The following SDCCAG8 variants were observed in gnomAD, a reference collection of about 807,000 sequenced individuals.
The protein encoded by SDCCAG8 is SHH signaling and ciliogenesis regulator SDCCAG8.
SDCCAG8 carries 74 observed loss-of-function variants against 101.8 expected under a neutral mutation model. The observed-to-expected ratio is 0.73, with a 90% CI of 0.60 to 0.88. The LOEUF (loss-of-function observed/expected upper bound fraction) is 0.88. Ranked by LOEUF, SDCCAG8 falls within the 40% of genes least tolerant of loss-of-function variation. The probability of loss-of-function intolerance (pLI) is 0.00; values close to 1 mark genes in which losing one functional copy is unlikely to be tolerated. For synonymous variants in SDCCAG8, 281 were observed against 292.9 expected (o/e 0.96, Z 0.41); for missense variants, 787 against 822.6 (o/e 0.96, Z 0.53).
At chr1:243,443,394 G>A (rs1054797604) in intron 16 of SDCCAG8, among the ~76,000 whole-genome samples, 1 of 152,180 alleles carries the variant, frequency 6.6e-6, no homozygotes, top group Non-Finnish European at 1.5e-5. Context: ...TTGTTGCTCT[G>A]CCAGAGGTTG....
intron 16 of SDCCAG8, among the ~76,000 whole-genome samples, chr1:243,487,003 G>C (rs1665053803): frequency 6.6e-6 from 1 of 152,196 alleles, no homozygotes; most frequent in Non-Finnish European, 1.5e-5. Context: ...GCCACCTTAG[G>C]GTTCCAGAGC....
chr1:243,307,548 TA>T (rs1411944738), intron 7 of SDCCAG8: 82 of 983,398 alleles, frequency 8.3e-5, no homozygotes, highest in Admixed American at 2.5e-4. Context: ...CTAAAAATTT[TA>T]AGAGATTAAT....
At chr1:243,407,106 A>G (rs996656603) in intron 13 of SDCCAG8, among the ~76,000 whole-genome samples, 2 of 152,150 alleles carry the variant, frequency 1.3e-5, no homozygotes, top group Non-Finnish European at 2.9e-5. Flanking sequence ...CAGGGTCTAC[A>G]TCTTGCACAC....
At chr1:243,424,582 A>G (rs1468135381) in intron 15 of SDCCAG8, among the ~76,000 whole-genome samples, 1 of 152,012 alleles carries the variant, frequency 6.6e-6, no homozygotes, top group Non-Finnish European at 1.5e-5. Context: ...CTAATATGTC[A>G]CAGTTTTAGA....
chr1:243,312,751 G>C (rs79257440), intron 8 of SDCCAG8, among the ~76,000 whole-genome samples: 2 of 151,742 alleles, frequency 1.3e-5, no homozygotes, highest in African/African-American at 4.8e-5. Context: ...TTGACAAGGA[G>C]GGGATCAGGC....
intron 16 of SDCCAG8, among the ~76,000 whole-genome samples, chr1:243,440,853 G>C (rs532904811): frequency 6.6e-6 from 1 of 152,160 alleles, no homozygotes; most frequent in Non-Finnish European, 1.5e-5. Flanking sequence ...TGTTTTGGCC[G>C]TGTGTAGCAT....
intron 16 of SDCCAG8, among the ~76,000 whole-genome samples, chr1:243,435,095 C>T (rs536344881): frequency 3.9e-4 from 60 of 152,330 alleles, no homozygotes; most frequent in African/African-American, 1.3e-3. Context: ...TCAAAGGACA[C>T]GTAGACAGCC....
chr1:243,346,486 A>G (rs760032404), intron 12 of SDCCAG8, among the ~76,000 whole-genome samples: 46 of 152,210 alleles, frequency 3.0e-4, no homozygotes, highest in Non-Finnish European at 6.5e-4. Context: ...ATACATTTTT[A>G]AAGTGGGTGG....
chr1:243,354,603 G>A (rs1455850528), intron 12 of SDCCAG8, among the ~76,000 whole-genome samples: 2 of 152,212 alleles, frequency 1.3e-5, no homozygotes, highest in East Asian at 3.9e-4. Flanking sequence ...ACCTGTGAAA[G>A]TAAATCTCTT....
rs1053242816 is a variant in SDCCAG8, at chr1:243,415,716, G to A, written c.1631G>A (p.Ser544Asn). Residue 544 changes from serine to asparagine, a missense_variant, in exon 14 of 18, where the codon AGC becomes AAC. Transcript: ENST00000366541. ...CTGTTTTGCAGACAGGAAAAAGATAGCATTCAGCAGAGCTTTAGCAAGGAA... is the reference window on the plus strand; with the variant it reads ...CTGTTTTGCAGACAGGAAAAAGATAACATTCAGCAGAGCTTTAGCAAGGAA... ...QLHLTRQEKD[S>N]IQQSFSKEAK... 1 of 1,613,650 alleles carries A rather than the reference G, an allele frequency of 6.2e-7. No individual in the cohort carries two copies. The highest frequency in any genetic ancestry group is 1.3e-5 in the African/African-American group (1 of 74,904).
chr1:243,463,787 G>C (rs1339224267), intron 16 of SDCCAG8, among the ~76,000 whole-genome samples: 1 of 152,162 alleles, frequency 6.6e-6, no homozygotes, highest in African/African-American at 2.4e-5. Context: ...GACTCTGTTT[G>C]CCTGGGTGGT....
chr1:243,429,787 C>T (rs1455852004), intron 16 of SDCCAG8, among the ~76,000 whole-genome samples: 6 of 150,700 alleles, frequency 4.0e-5, no homozygotes, highest in South Asian at 4.2e-4. Flanking sequence ...CTGCAACCTC[C>T]GCCTCCTGGG....
At chr1:243,297,860 A>G (rs1404507764) in intron 6 of SDCCAG8, among the ~76,000 whole-genome samples, 1 of 152,102 alleles carries the variant, frequency 6.6e-6, no homozygotes, top group Non-Finnish European at 1.5e-5. Context: ...TATTATAAAT[A>G]TATATTCCCA....
chr1:243,305,210 C>CA (rs2071967991), intron 7 of SDCCAG8: 1 of 165,160 alleles, frequency 6.1e-6, no homozygotes, highest in South Asian at 1.4e-4. Context: ...GAGGCTGAGG[C>CA]AGGAGAATCA....
chr1:243,283,033 G>A (rs1370620075), intron 4 of SDCCAG8, among the ~76,000 whole-genome samples: 1 of 151,958 alleles, frequency 6.6e-6, no homozygotes, highest in Non-Finnish European at 1.5e-5. Flanking sequence ...TTTTAGTAGA[G>A]ACAGGGTTTC....
chr1:243,474,166 G>A lies in SDCCAG8; in HGVS notation c.1986-14848G>A, dbSNP rs1272463194. ...GAATTAAAAGGTAAGAAAAGCAAAT[G>A]CAATCACGCAGCACCTTTCCCATCG... On this transcript the variant is annotated intron_variant, in intron 16 of 17. Coordinates refer to ENST00000366541, the MANE Select transcript of SDCCAG8 (RefSeq NM_006642.5). This position sits in a 1 kb window ranked among gnomAD's most constrained non-coding sequence, Gnocchi z 4.7. 6.6e-6 allele frequency among the ~76,000 whole-genome samples: 1 copy of A among 152,122 alleles called. No homozygotes were observed. Among genetic ancestry groups the A allele is most frequent in the Non-Finnish European group, 1.5e-5 (1 of 68,008 alleles).
intron 9 of SDCCAG8, among the ~76,000 whole-genome samples, chr1:243,317,803 T>G (rs1193860793): frequency 6.6e-6 from 1 of 152,210 alleles, no homozygotes; most frequent in African/African-American, 2.4e-5. Context: ...GTATTTTCCC[T>G]AGACACACTA....
At chr1:243,329,041 C>T (rs2074406076) in intron 9 of SDCCAG8, among the ~76,000 whole-genome samples, 2 of 152,198 alleles carry the variant, frequency 1.3e-5, no homozygotes, top group Admixed American at 1.3e-4. Flanking sequence ...TTACTCAATT[C>T]ATGTGAAATA....
chr1:243,342,543 C>A (rs1332895154), intron 11 of SDCCAG8, among the ~76,000 whole-genome samples: 1 of 152,054 alleles, frequency 6.6e-6, no homozygotes, highest in Non-Finnish European at 1.5e-5. Flanking sequence ...TTTTACATAA[C>A]CAGCTTGTAT....
Sources: gnomAD v4.1 joint callset for allele counts (sites outside exome capture counted in the v4.1 genomes callset) on GRCh38, gnomAD v4.1.1 for gene constraint, Gnocchi (gnomAD v3.1) non-coding constraint, MANE v1.5 for transcripts, NCBI Gene and HGNC (gene_info 2026-07-23, HGNC 2026-07-21) for gene names.